ITGB5: variants seen among roughly 807,000 people sequenced by gnomAD.
The protein encoded by ITGB5 is integrin subunit beta 5, also known as integrin beta-5.
A neutral mutation model predicts 84.8 loss-of-function variants in ITGB5; 38 were observed. The observed-to-expected ratio is 0.45, with a 90% CI of 0.35 to 0.59. The LOEUF (loss-of-function observed/expected upper bound fraction) is 0.59. Ranked by LOEUF, ITGB5 falls within the 20% of genes least tolerant of loss-of-function variation. ITGB5 has a pLI of 0.01. For missense variants in ITGB5, 905 were observed against 1,034.5 expected (o/e 0.87, Z 1.72); for synonymous variants, 393 against 414.4 (o/e 0.95, Z 0.63).
chr3:124,848,173 A>G (rs565788164), intron 4 of ITGB5, 136 bp downstream of exon 4: 1 of 910,536 alleles, frequency 1.1e-6, no homozygotes, highest in South Asian at 1.6e-5. Flanking sequence ...TATGCTTATC[A>G]TTAATCAAAT....
At chr3:124,795,360 G>A (rs1559936644) in intron 10 of ITGB5, among the ~76,000 whole-genome samples, 1 of 151,998 alleles carries the variant, frequency 6.6e-6, no homozygotes, top group Non-Finnish European at 1.5e-5. Context: ...GTGGTGGCGG[G>A]CGCCTATAAT....
upstream of ITGB5, chr3:124,887,677 C>T (rs1934894733): frequency 4.4e-6 from 2 of 450,522 alleles, no homozygotes; most frequent in Non-Finnish European, 9.0e-6. Context: ...GGGAAAGGGG[C>T]GGGGCACGCT....
chr3:124,815,680 C>T (rs1036654385), intron 8 of ITGB5, among the ~76,000 whole-genome samples: 2 of 152,104 alleles, frequency 1.3e-5, no homozygotes, highest in African/African-American at 2.4e-5. Flanking sequence ...GAGACCCAAG[C>T]GGCTCACAGC....
At chr3:124,766,720 G>C (rs2063773566) in intron 12 of ITGB5, among the ~76,000 whole-genome samples, 1 of 152,202 alleles carries the variant, frequency 6.6e-6, no homozygotes, top group South Asian at 2.1e-4. Context: ...AGCCCCCTTT[G>C]AGGCTTGAGT....
chr3:124,862,839 C>T (rs1435050199), intron 2 of ITGB5: 4 of 152,180 alleles, frequency 2.6e-5, no homozygotes, highest in Non-Finnish European at 5.9e-5. Context: ...GCTGCACCAA[C>T]AACAAGAATC....
chr3:124,852,024 T>G (rs1241368575), intron 3 of ITGB5, among the ~76,000 whole-genome samples: 1 of 152,164 alleles, frequency 6.6e-6, no homozygotes, highest in East Asian at 1.9e-4. Context: ...CAACTTTGGG[T>G]ACACTTCCAG....
rs755313121 is a variant in ITGB5 at position 124,841,571 on chromosome 3, G to A, written c.612-20C>T. 1 of 1,610,464 alleles carries A rather than the reference G, an allele frequency of 6.2e-7. No homozygotes were observed. The highest frequency in any genetic ancestry group is 8.5e-7 in the Non-Finnish European group (1 of 1,177,824). On this transcript the variant is annotated intron_variant, in intron 4 of 14. Transcript: ENST00000296181. ...TTGTAACTAGAGAGGAAGAAGAGAAGAGTCACTTTTCCATCATTGTCTGTA... is the reference window on the plus strand; with the variant it reads ...TTGTAACTAGAGAGGAAGAAGAGAAAAGTCACTTTTCCATCATTGTCTGTA...
intron 2 of ITGB5, among the ~76,000 whole-genome samples, chr3:124,871,078 A>G (rs1030739977): frequency 6.6e-6 from 1 of 151,924 alleles, no homozygotes; most frequent in African/African-American, 2.4e-5. Context: ...TTTTGTAGAG[A>G]CGGGGTTTCG....
chr3:124,844,205 C>CAAAAAAAAAAAAAAAAAAAA (rs58956636), intron 4 of ITGB5, among the ~76,000 whole-genome samples: 1 of 85,914 alleles, frequency 1.2e-5, no homozygotes, highest in Non-Finnish European at 2.2e-5. Context: ...TTGGTTTTGG[C>CAAAAAAAAAAAAAAAAAAAA]AAAAAAAAAA....
rs145232294 is a variant in ITGB5, at chr3:124,764,537, C to T, written c.2158G>A (p.Ala720Thr). The change falls in exon 14 of 15, where the codon GCC becomes ACC. Residue 720 changes from alanine to threonine, a missense_variant. Coordinates refer to ENST00000296181, the MANE Select transcript of ITGB5 (RefSeq NM_002213.5). Reference protein sequence around the residue: ...REPECGNTPNAMTILLAVVGS... With the variant: ...REPECGNTPNTMTILLAVVGS... ...ACCACAGCCAGGAGGATGGTCATGG[C>T]GTTGGGGGTGTTTCCACACTCTGGG... 2.3e-5 allele frequency: 37 copies of T among 1,612,556 alleles called. No homozygotes were observed. Among genetic ancestry groups the T allele is most frequent in the African/African-American group, 1.7e-4 (13 of 75,008 alleles).
chr3:124,872,152 A>C (rs555035432), intron 2 of ITGB5, among the ~76,000 whole-genome samples: 33 of 152,352 alleles, frequency 2.2e-4, no homozygotes, highest in African/African-American at 7.9e-4. Flanking sequence ...AAAGGTTTAT[A>C]TGTTGGGAAG....
chr3:124,861,087 A>C (rs1450396190), intron 2 of ITGB5, among the ~76,000 whole-genome samples: 1 of 151,996 alleles, frequency 6.6e-6, no homozygotes, highest in African/African-American at 2.4e-5. Flanking sequence ...AAACAAACAC[A>C]AAAAAGAACA....
chr3:124,874,799 C>T (rs183051502), intron 1 of ITGB5, among the ~76,000 whole-genome samples: 157 of 152,258 alleles, frequency 1.0e-3, no homozygotes, highest in African/African-American at 3.5e-3. Context: ...ACCAGATATC[C>T]ATATACAGAA....
rs535791705 is a variant in ITGB5 at position 124,777,710 on chromosome 3, A to G, written c.1694-3798T>C. ...GTTCTACCAAGTGGTGGGAGCTGGC[A>G]CACAAGTCACAACTACTGGGCCACC... On this transcript the variant is annotated intron_variant, in intron 10 of 14. Transcript: ENST00000296181. 2.0e-3 allele frequency among the ~76,000 whole-genome samples: 298 copies of G among 152,280 alleles called. 2 individuals carry two copies. The highest frequency in any genetic ancestry group is 2.8e-3 in the Non-Finnish European group (188 of 67,990).
chr3:124,868,797 T>C (rs1251204133), intron 2 of ITGB5, among the ~76,000 whole-genome samples: 1 of 151,276 alleles, frequency 6.6e-6, no homozygotes, highest in East Asian at 1.9e-4. Context: ...TAAGACCCTG[T>C]CTCCGAAAAT....
At chr3:124,864,309 T>G (rs1465689707) in intron 2 of ITGB5, among the ~76,000 whole-genome samples, 1 of 151,874 alleles carries the variant, frequency 6.6e-6, no homozygotes, top group South Asian at 2.1e-4. Context: ...GGTTTCACCG[T>G]GTTTGCTAGA....
At chr3:124,822,737 T>C (rs1410083841) in intron 5 of ITGB5, among the ~76,000 whole-genome samples, 1 of 152,146 alleles carries the variant, frequency 6.6e-6, no homozygotes, top group African/African-American at 2.4e-5. Flanking sequence ...CAATCACTGA[T>C]CTCTTACTGC....
intron 4 of ITGB5, among the ~76,000 whole-genome samples, chr3:124,842,633 C>G (rs6438858): frequency 0.18 from 27,882 of 152,086 alleles, 2,570 homozygotes; most frequent in South Asian, 0.21. Flanking sequence ...TGCAGGGTCT[C>G]CAGCCATGTT....
upstream of ITGB5, among the ~76,000 whole-genome samples, chr3:124,891,954 A>G (rs1935010591): frequency 6.6e-6 from 1 of 152,008 alleles, no homozygotes; most frequent in Non-Finnish European, 1.5e-5. Flanking sequence ...ATGAAAAAGA[A>G]GGAAAAGAGG....
Sources: gnomAD v4.1 joint callset for allele counts (sites outside exome capture counted in the v4.1 genomes callset) on GRCh38, gnomAD v4.1.1 for gene constraint, MANE v1.5 for transcripts, NCBI Gene and HGNC (gene_info 2026-07-23, HGNC 2026-07-21) for gene names.